HERC1: variants seen among roughly 807,000 people sequenced by gnomAD.
HERC1 encodes probable E3 ubiquitin-protein ligase HERC1.
HERC1 carries 160 observed loss-of-function variants against 554.3 expected under a neutral mutation model. The observed-to-expected ratio is 0.29, with a 90% CI of 0.25 to 0.33. HERC1 has a LOEUF of 0.33. HERC1 is among the 10% of genes least tolerant of loss of function. The probability of loss-of-function intolerance (pLI) is 1.00; values close to 1 mark genes in which losing one functional copy is unlikely to be tolerated. For synonymous variants in HERC1, 2,175 were observed against 2,131.7 expected (o/e 1.02, Z -0.56); for missense variants, 4,919 against 5,918.5 (o/e 0.83, Z 5.54).
chr15:63,779,148 T>G (rs983285610), intron 1 of HERC1, among the ~76,000 whole-genome samples: 4 of 152,044 alleles, frequency 2.6e-5, no homozygotes, highest in African/African-American at 7.2e-5. Context: ...ATATTCATAT[T>G]ATTGGATTAC....
chr15:63,654,803 AG>A (rs2069925182), intron 50 of HERC1, among the ~76,000 whole-genome samples: 1 of 151,306 alleles, frequency 6.6e-6, no homozygotes, highest in African/African-American at 2.4e-5. Flanking sequence ...TGGGAGACGG[AG>A]GTTGCGGTGA....
chr15:63,702,538 T>C (rs1413289996), intron 25 of HERC1, among the ~76,000 whole-genome samples: 3 of 152,184 alleles, frequency 2.0e-5, no homozygotes, highest in African/African-American at 2.4e-5. Context: ...AAATCAAGTA[T>C]CTGCAAAAAC....
intron 33 of HERC1, 100 bp from the exon 34 acceptor site, chr15:63,686,635 G>C: frequency 1.1e-6 from 1 of 943,134 alleles, no homozygotes; most frequent in Non-Finnish European, 1.6e-6. Flanking sequence ...TATTTATTAT[G>C]TATCTACTAT....
chr15:63,749,383 C>G lies in HERC1; in HGVS notation c.2203G>C (p.Ala735Pro), dbSNP rs368641226. Residue 735 changes from alanine (A) to proline (P), a missense_variant, in exon 10 of 78, where the codon GCT becomes CCT. Around this residue, in one of 11 missense-constraint regions of HERC1, gnomAD observed 744 missense variants for 1,090.0 expected, o/e 0.68. Transcript: ENST00000443617. This position sits in a 1 kb window ranked among gnomAD's most constrained non-coding sequence, Gnocchi z 4.1. ...AGTSHSLAWT[A>P]LPRDRQVVAW... ...CACTCTTACCTGTCCCTAGGAAGAG[C>G]AGTCCATGCCAGACTATGTGATGTT... The G allele has an allele frequency of 6.2e-7, 1 of 1,606,160 alleles. No homozygotes were observed. The highest frequency in any genetic ancestry group is 8.5e-7 in the Non-Finnish European group (1 of 1,177,282).
intron 1 of HERC1, among the ~76,000 whole-genome samples, chr15:63,778,336 G>A (rs990440084): frequency 3.9e-5 from 6 of 152,158 alleles, no homozygotes; most frequent in Non-Finnish European, 8.8e-5. Context: ...GAAAACACTG[G>A]AAAAGTATCT....
At chr15:63,654,075 T>C in intron 51 of HERC1, 44 bp downstream of exon 51, 3 of 1,465,376 alleles carry the variant, frequency 2.0e-6, no homozygotes, top group Non-Finnish European at 1.9e-6. Flanking sequence ...GACTATTTCA[T>C]CTTACATAAC....
chr15:63,653,845 A>G (rs993539166), intron 51 of HERC1, among the ~76,000 whole-genome samples: 5 of 152,226 alleles, frequency 3.3e-5, no homozygotes, highest in East Asian at 1.9e-4. Flanking sequence ...GATCAAATGC[A>G]TAAGTCTTCA....
At position 63,674,524 on chromosome 15, in the gene HERC1, T is replaced by A; in HGVS notation, c.7664A>T (p.Glu2555Val). 2 of 1,613,548 alleles carry A rather than the reference T, an allele frequency of 1.2e-6. No homozygotes were observed. Among genetic ancestry groups the A allele is most frequent in the Non-Finnish European group, 1.7e-6 (2 of 1,179,684 alleles). The part of the protein sequence containing the change: ...SDCASSPVVH[E>V]DVEMRAALQF... ...CAGGGCTGCTCGCATCTCCACGTCTTCATGAACAACTGGAGAACTTGCACA... is the reference window on the plus strand; with the variant it reads ...CAGGGCTGCTCGCATCTCCACGTCTACATGAACAACTGGAGAACTTGCACA... The change falls in exon 38 of 78, where the codon GAA (glutamate) becomes GTA (valine). Residue 2555 changes from glutamate (E) to valine (V), a missense_variant. Glu to Val is a moderately radical substitution (Grantham distance 121). This residue lies in a region of HERC1 where 1,963 missense variants were observed against 2,228.6 expected (regional missense o/e 0.88). Coordinates refer to ENST00000443617, the MANE Select transcript of HERC1 (RefSeq NM_003922.4).
In HERC1 at chr15:63,612,778, G is replaced by T. The variant is rs1566937641; in HGVS notation, c.14095-222C>A. On this transcript the variant is annotated intron_variant, in intron 76 of 77. Coordinates refer to ENST00000443617, the MANE Select transcript of HERC1 (RefSeq NM_003922.4). This position sits in a 1 kb window ranked among gnomAD's most constrained non-coding sequence, Gnocchi z 5.0. ...CCTGCTGTGGGATTCTTACACTCCT[G>T]GTTCCAGTTCAAGTCCAATTTAGGA... Among the ~76,000 whole-genome samples the T allele has an allele frequency of 6.6e-6, 1 of 152,172 alleles. No individual in the cohort carries two copies. Among genetic ancestry groups the T allele is most frequent in the Non-Finnish European group, 1.5e-5 (1 of 68,038 alleles).
In HERC1 at chr15:63,727,295, G is replaced by A. The variant is rs991295819; in HGVS notation, c.3346+352C>T. On this transcript the variant is annotated intron_variant, in intron 17 of 77. Transcript: ENST00000443617. This position sits in a 1 kb window ranked among gnomAD's most constrained non-coding sequence, Gnocchi z 4.3. Reference sequence around the variant, plus strand: ...CATCTCAAAAAAAGAAAAAAGGAAAGAATAAATTTGGAACAACTCCATATA... The same window carrying A: ...CATCTCAAAAAAAGAAAAAAGGAAAAAATAAATTTGGAACAACTCCATATA... 6.6e-6 allele frequency among the ~76,000 whole-genome samples: 1 copy of A among 151,902 alleles called. No homozygotes were observed. Among genetic ancestry groups the A allele is most frequent in the Non-Finnish European group, 1.5e-5 (1 of 67,940 alleles).
In HERC1 at chr15:63,747,734, G is replaced by A; in HGVS notation, c.2344C>T (p.Pro782Ser). The change falls in exon 11 of 78, where the codon CCT becomes TCT. Residue 782 changes from proline (P) to serine (S), a missense_variant. Physicochemically the swap from Pro to Ser is moderately conservative, Grantham distance 74 (BLOSUM62 -1). Transcript: ENST00000443617. ...INSEIPPLPF[P>S]SSREHHSFLK... ...ATACATATAACATACCTTGATGAAG[G>A]GAAAGGGAGTGGGGGAATCTCACTG... 6.5e-7 allele frequency: 1 copy of A among 1,545,234 alleles called. No homozygotes were observed. Among genetic ancestry groups the A allele is most frequent in the Non-Finnish European group, 8.8e-7 (1 of 1,141,656 alleles).
At chr15:63,805,942 C>T (rs560889527) in intron 1 of HERC1, among the ~76,000 whole-genome samples, 315 of 12,970 alleles carry the variant, frequency 0.024, no homozygotes, top group African/African-American at 0.053. Context: ...GACCCTATCT[C>T]AAAACAAAAA....
At chr15:63,669,935 T>A (rs762389613) in intron 39 of HERC1, among the ~76,000 whole-genome samples, 3 of 152,020 alleles carry the variant, frequency 2.0e-5, no homozygotes, top group Non-Finnish European at 4.4e-5. Flanking sequence ...ACAAAGCAGG[T>A]TGGGGGAATA....
chr15:63,748,080 G>A lies in HERC1; in HGVS notation c.2220-222C>T, dbSNP rs374033845. Among the ~76,000 whole-genome samples, 37 of 152,128 alleles carry A rather than the reference G, an allele frequency of 2.4e-4. No individual in the cohort carries two copies. In the South Asian group the frequency reaches 7.3e-3, roughly 30 times the overall value. On this transcript the variant is annotated intron_variant, in intron 10 of 77. Coordinates refer to ENST00000443617, the MANE Select transcript of HERC1 (RefSeq NM_003922.4). ...ATCTCTACTAAAAACATAAAAATTA[G>A]TCGGGCATGGTGGTATATGCCTGTA...
chr15:63,703,811 A>C (rs141404541), intron 25 of HERC1, among the ~76,000 whole-genome samples: 179 of 152,156 alleles, frequency 1.2e-3, no homozygotes, highest in Non-Finnish European at 2.2e-3. Flanking sequence ...TGAGAGGCTC[A>C]GATGGGAGGG....
chr15:63,694,027 C>G lies in HERC1; in HGVS notation c.5611G>C (p.Asp1871His). 6.3e-7 allele frequency: 1 copy of G among 1,589,956 alleles called. No individual in the cohort carries two copies. Residue 1871 changes from aspartate (D) to histidine (H), a missense_variant, in exon 30 of 78, where the codon GAC (aspartate) becomes CAC (histidine). By Grantham distance (81) the Asp-to-His change is moderately conservative. Around this residue, in one of 11 missense-constraint regions of HERC1, gnomAD observed 1,121 missense variants for 1,244.0 expected, o/e 0.90. Coordinates refer to ENST00000443617, the MANE Select transcript of HERC1 (RefSeq NM_003922.4). The surrounding 1 kb of genome is among the most constrained non-coding windows in gnomAD (Gnocchi z 4.3). ...ACTTTTTTTTCTTCTTCTTCACCGT[C>G]TTCTTGCTCCCCTTCTCCGAAAGAG... The part of the protein sequence containing the change: ...MASFGEGEQE[D>H]GEEEEKKVDS...
intron 1 of HERC1, among the ~76,000 whole-genome samples, chr15:63,797,200 G>T (rs2076839080): frequency 6.6e-6 from 1 of 152,164 alleles, no homozygotes; most frequent in Non-Finnish European, 1.5e-5. Flanking sequence ...ACAAGGTTAG[G>T]ATTATGAGAG....
Position 63,634,956 on chromosome 15 carries a change from T to G in HERC1, c.12415-68A>C, listed in dbSNP as rs17766325. ...ACTAAGAAAAAAGTAAATCTGCCAT[T>G]TTTGGTATTAATATAGCAATAAACT... On this transcript the variant is annotated intron_variant, in intron 65 of 77. Coordinates refer to ENST00000443617, the MANE Select transcript of HERC1 (RefSeq NM_003922.4). 0.18 allele frequency: 215,335 copies of G among 1,192,380 alleles called. 21,534 individuals are homozygous for G. Among genetic ancestry groups the G allele is most frequent in the Non-Finnish European group, 0.19 (162,244 of 841,536 alleles). 73.9% of individuals were successfully genotyped at this position (1,192,380 alleles called of 1,614,324 possible). A position where few individuals can be genotyped will look rare whatever the true frequency, so the allele number is the denominator to read the frequency against.
intron 24 of HERC1, among the ~76,000 whole-genome samples, chr15:63,711,283 C>G (rs1173152326): frequency 6.6e-6 from 1 of 151,888 alleles, no homozygotes; most frequent in Admixed American, 6.6e-5. Flanking sequence ...AGCCTGAACT[C>G]CAGCCTGAGT....
Sources: gnomAD v4.1 joint callset for allele counts (sites outside exome capture counted in the v4.1 genomes callset) on GRCh38, gnomAD v4.1.1 for gene constraint, gnomAD v4.1.1 regional missense constraint, Gnocchi (gnomAD v3.1) non-coding constraint, MANE v1.5 for transcripts, NCBI Gene and HGNC (gene_info 2026-07-23, HGNC 2026-07-21) for gene names.